Variants in KAT6A observed in about 807,000 individuals in gnomAD.
KAT6A encodes lysine acetyltransferase 6A.
Under a neutral mutation model 198.4 loss-of-function variants are expected in KAT6A, and 9 were observed. That is an observed-to-expected ratio of 0.05 (90% CI 0.03 to 0.08). KAT6A has a LOEUF of 0.08. Among genes scored for constraint, KAT6A ranks in the 10% least tolerant of loss-of-function variants. The pLI, the probability that KAT6A is intolerant of heterozygous loss-of-function variation, is 1.00. For missense variants in KAT6A, 2,077 were observed against 2,509.9 expected (o/e 0.83, Z 3.69); for synonymous variants, 890 against 883.0 (o/e 1.01, Z -0.14).
At chr8:42,050,982 GCT>G (rs1225383127) in intron 1 of KAT6A, among the ~76,000 whole-genome samples, 2 of 152,114 alleles carry the variant, frequency 1.3e-5, no homozygotes, top group South Asian at 2.1e-4. Context: ...ACGTCTTCGC[GCT>G]CTCTTTTCAA....
intron 13 of KAT6A, 124 bp from the exon 14 acceptor site, chr8:41,943,124 G>A: frequency 8.0e-7 from 1 of 1,257,586 alleles, no homozygotes; most frequent in Non-Finnish European, 1.1e-6. Context: ...GCCTGCCTGG[G>A]ACGATGGAAT....
intron 2 of KAT6A, among the ~76,000 whole-genome samples, chr8:42,012,050 T>G (rs1237033850): frequency 6.6e-6 from 1 of 152,052 alleles, no homozygotes; most frequent in Non-Finnish European, 1.5e-5. Context: ...CAAATTAAAA[T>G]CACAATGAAA....
chr8:42,038,907 G>A (rs1827506005), intron 2 of KAT6A, among the ~76,000 whole-genome samples: 1 of 151,854 alleles, frequency 6.6e-6, no homozygotes, highest in Non-Finnish European at 1.5e-5. Context: ...TAATCTCTAT[G>A]CTTAATTTCA....
intron 3 of KAT6A, among the ~76,000 whole-genome samples, chr8:41,984,980 CAAAA>C (rs1319003756): frequency 2.1e-5 from 2 of 93,462 alleles, no homozygotes. Context: ...GAGACTGTCT[CAAAA>C]AAAAAAAAAA....
chr8:41,966,892 C>T (rs560069030), intron 8 of KAT6A, among the ~76,000 whole-genome samples: 44 of 152,170 alleles, frequency 2.9e-4, no homozygotes, highest in African/African-American at 9.9e-4. Context: ...GTTTTAATTT[C>T]GGCTCCACTA....
chr8:42,035,093 G>C (rs978455129), intron 2 of KAT6A, among the ~76,000 whole-genome samples: 2 of 152,212 alleles, frequency 1.3e-5, no homozygotes, highest in Non-Finnish European at 2.9e-5. Flanking sequence ...GAGAAATGAT[G>C]AGGACCTGCT....
chr8:42,040,457 G>A (rs995678274), intron 2 of KAT6A, among the ~76,000 whole-genome samples: 5 of 152,096 alleles, frequency 3.3e-5, no homozygotes, highest in African/African-American at 1.2e-4. Flanking sequence ...TTGGTGGCTG[G>A]GCATGGTGGC....
chr8:41,946,978 C>T (rs1822428045), intron 11 of KAT6A, among the ~76,000 whole-genome samples: 1 of 152,216 alleles, frequency 6.6e-6, no homozygotes, highest in East Asian at 1.9e-4. Context: ...GCACCGGAAT[C>T]TGAGTCCCAA....
intron 8 of KAT6A, among the ~76,000 whole-genome samples, chr8:41,969,199 C>T (rs1823658374): frequency 6.6e-6 from 1 of 152,134 alleles, no homozygotes; most frequent in South Asian, 2.1e-4. Flanking sequence ...TGTAAGACTA[C>T]CAAAGACACT....
intron 2 of KAT6A, among the ~76,000 whole-genome samples, chr8:42,028,854 C>T (rs912189404): frequency 6.6e-6 from 1 of 152,000 alleles, no homozygotes; most frequent in African/African-American, 2.4e-5. Flanking sequence ...ATATTTGGGT[C>T]CTTTCTCTTT....
At position 41,933,243 on chromosome 8, in the gene KAT6A, T is replaced by C. The variant is rs898977543; in HGVS notation, c.4977A>G (p.Pro1659=). Residue 1659 remains proline, a synonymous_variant, in exon 17 of 17, where the codon CCA becomes CCG. Coordinates refer to ENST00000265713, the MANE Select transcript of KAT6A (RefSeq NM_006766.5). This position sits in a 1 kb window ranked among gnomAD's most constrained non-coding sequence, Gnocchi z 6.2. The stretch of plus-strand genomic sequence containing the variant: ...GTTGTGGTTGTGGCGGCGGCGGCTG[T>C]GGCTGCTGTGGAGGCGGTGGTGGCG... ...QQPPPPPPQQ[P]QPPPPQPQPA... 7.1e-6 allele frequency: 11 copies of C among 1,553,222 alleles called. No homozygotes were observed. Among genetic ancestry groups the C allele is most frequent in the Non-Finnish European group, 6.9e-6 (8 of 1,154,760 alleles).
intron 2 of KAT6A, among the ~76,000 whole-genome samples, chr8:41,998,778 T>C (rs1421313453): frequency 3.9e-5 from 6 of 152,082 alleles, no homozygotes; most frequent in Non-Finnish European, 5.9e-5. Context: ...AAGTACTCTA[T>C]GGCTGCTTAT....
rs1290776820 is a variant in KAT6A at position 41,930,834 on chromosome 8, C to T, written c.*1371G>A. 5.2e-6 allele frequency: 1 copy of T among 194,026 alleles called. No homozygotes were observed. The highest frequency in any genetic ancestry group is 2.4e-5 in the African/African-American group (1 of 41,152). 12.0% of individuals were successfully genotyped at this position (194,026 alleles called of 1,614,324 possible). On this transcript the variant is annotated 3_prime_UTR_variant, in exon 17 of 17. Coordinates refer to ENST00000265713, the MANE Select transcript of KAT6A (RefSeq NM_006766.5). Reference sequence around the variant, plus strand: ...GAAAAGAGAATGGAGTTGGGAGCAACACATGAACTTGCGTTATAACATTCT... The same window carrying T: ...GAAAAGAGAATGGAGTTGGGAGCAATACATGAACTTGCGTTATAACATTCT...
intron 2 of KAT6A, among the ~76,000 whole-genome samples, chr8:42,036,701 G>A (rs571028383): frequency 6.6e-6 from 1 of 152,304 alleles, no homozygotes; most frequent in African/African-American, 2.4e-5. Context: ...ATAAGGCCAA[G>A]CAATGAGAAC....
intron 9 of KAT6A, among the ~76,000 whole-genome samples, chr8:41,949,940 A>G (rs1822584783): frequency 6.6e-6 from 1 of 152,208 alleles, no homozygotes; most frequent in African/African-American, 2.4e-5. Context: ...TTAAACTGTC[A>G]TTCAATTCAG....
intron 5 of KAT6A, among the ~76,000 whole-genome samples, chr8:41,979,260 T>G (rs898051677): frequency 6.6e-6 from 1 of 152,032 alleles, no homozygotes; most frequent in Non-Finnish European, 1.5e-5. Context: ...AGAGTGAGAC[T>G]CCGTCTCAAA....
rs1587704780 is a variant in KAT6A at position 41,931,851 on chromosome 8, A to T, written c.*354T>A. 1 of 226,954 alleles carries T rather than the reference A, an allele frequency of 4.4e-6. No homozygotes were observed. The highest frequency in any genetic ancestry group is 6.7e-5 in the East Asian group (1 of 14,998). 14.1% of individuals were successfully genotyped at this position (226,954 alleles called of 1,614,324 possible). A position where few individuals can be genotyped will look rare whatever the true frequency, so the allele number is the denominator to read the frequency against. ...AACAGTGAGGGGAAACATACATTTT[A>T]AAATAAAGATAATTCACTTTTACAC... On this transcript the variant is annotated 3_prime_UTR_variant, in exon 17 of 17. Transcript: ENST00000265713.
intron 8 of KAT6A, among the ~76,000 whole-genome samples, chr8:41,966,260 T>A (rs1823483388): frequency 6.6e-6 from 1 of 152,016 alleles, no homozygotes; most frequent in South Asian, 2.1e-4. Flanking sequence ...TATAGTAGTC[T>A]CCCCTTATCC....
intron 2 of KAT6A, among the ~76,000 whole-genome samples, chr8:42,029,587 C>CA (rs1161703983): frequency 7.1e-6 from 1 of 140,296 alleles, no homozygotes; most frequent in East Asian, 2.2e-4. Flanking sequence ...TTTTTTGAAA[C>CA]AGGTTCTCAC....
Sources: allele counts gnomAD v4.1 joint callset (sites outside exome capture counted in the v4.1 genomes callset), GRCh38; gene constraint gnomAD v4.1.1; non-coding constraint Gnocchi (gnomAD v3.1); transcripts MANE v1.5; gene names NCBI Gene and HGNC (gene_info 2026-07-23, HGNC 2026-07-21).